INKA2: variants seen among roughly 807,000 people sequenced by gnomAD.
INKA2 encodes the protein inka box actin regulator 2, also known as PAK4-inhibitor INKA2.
INKA2 carries 3 observed loss-of-function variants against 9.8 expected under a neutral mutation model. The ratio of observed to expected loss-of-function variants is 0.31; its 90% CI spans 0.14 to 0.79. INKA2 has a LOEUF of 0.79. INKA2 is among the 30% of genes least tolerant of loss of function. The pLI is 0.62. For synonymous variants in INKA2, 147 were observed against 143.3 expected (o/e 1.03, Z -0.18); for missense variants, 392 against 384.4 (o/e 1.02, Z -0.17).
Position 111,727,344 on chromosome 1 carries a change from G to T in INKA2, c.518C>A (p.Pro173Gln), listed in dbSNP as rs781528757. Residue 173 changes from proline to glutamine, a missense_variant, in exon 2 of 2, where the codon CCA becomes CAA. By Grantham distance (76) the Pro-to-Gln change is moderately conservative. Coordinates refer to ENST00000357260, the MANE Select transcript of INKA2 (RefSeq NM_019099.5). ...ADLVGNWLDL[P>Q]ELEKGGEKGE... ...CTTCTCCCCACCCTTCTCCAGTTCTGGCAAGTCTAGCCAATTGCCCACCAG... is the reference window on the plus strand; with the variant it reads ...CTTCTCCCCACCCTTCTCCAGTTCTTGCAAGTCTAGCCAATTGCCCACCAG... 5.5e-5 allele frequency: 88 copies of T among 1,613,884 alleles called. No homozygotes were observed. Among genetic ancestry groups the T allele is most frequent in the Non-Finnish European group, 7.3e-5 (86 of 1,180,014 alleles).
intron 1 of INKA2, chr1:111,747,472 C>G (rs1157825280): frequency 6.6e-6 from 1 of 152,416 alleles, no homozygotes; most frequent in East Asian, 1.9e-4. Flanking sequence ...ATGTTGCCAC[C>G]TTGTGCCAGC....
In INKA2 at chr1:111,739,255, C is replaced by T. The variant is rs1350542352; in HGVS notation, c.-13G>A. 1 of 1,613,660 alleles carries T rather than the reference C, an allele frequency of 6.2e-7. No individual in the cohort carries two copies. Among genetic ancestry groups the T allele is most frequent in the South Asian group, 1.1e-5 (1 of 91,070 alleles). ...TCTCCATCGTCATGCGCCCATTTGT[C>T]GGGTTCGGTTCAAACAGAGAGGGCC... On this transcript the variant is annotated 5_prime_UTR_variant, in exon 1 of 2. Coordinates refer to ENST00000357260, the MANE Select transcript of INKA2 (RefSeq NM_019099.5).
At chr1:111,732,544 C>T (rs1662930351) in intron 1 of INKA2, among the ~76,000 whole-genome samples, 1 of 150,052 alleles carries the variant, frequency 6.7e-6, no homozygotes. Flanking sequence ...CTCTTTCTAA[C>T]CCACTCCTAG....
At chr1:111,729,145 A>G (rs191698713) in intron 1 of INKA2, among the ~76,000 whole-genome samples, 1 of 152,288 alleles carries the variant, frequency 6.6e-6, no homozygotes, top group Non-Finnish European at 1.5e-5. Flanking sequence ...GCATTAGTGG[A>G]AAAGGAAGAG....
At chr1:111,739,667 C>T (rs985515902), upstream of INKA2, among the ~76,000 whole-genome samples, 4 of 152,202 alleles carry the variant, frequency 2.6e-5, no homozygotes, top group East Asian at 3.9e-4. Context: ...ACGTGACCCT[C>T]GTGTGGTCAT....
At chr1:111,732,896 C>T (rs1230378815) in intron 1 of INKA2, among the ~76,000 whole-genome samples, 7 of 152,312 alleles carry the variant, frequency 4.6e-5, no homozygotes, top group Non-Finnish European at 8.8e-5. Context: ...GGAGACCTGA[C>T]TTACTCGGCC....
At position 111,722,800 on chromosome 1, in the gene INKA2, C is replaced by T. The variant is rs1346684930; in HGVS notation, c.*4168G>A. 32 of 423,774 alleles carry T rather than the reference C, an allele frequency of 7.6e-5. 1 individual carries two copies. The highest frequency in any genetic ancestry group is 9.2e-5 in the East Asian group (2 of 21,850). 26.3% of individuals were successfully genotyped at this position (423,774 alleles called of 1,614,324 possible). On this transcript the variant is annotated 3_prime_UTR_variant, in exon 2 of 2. Coordinates refer to ENST00000357260, the MANE Select transcript of INKA2 (RefSeq NM_019099.5). Reference sequence around the variant, plus strand: ...ATGTTTCGACAGAAGAAGAGACCAACGCTCAGAGAAAGCACTTTTTCTTAA... The same window carrying T: ...ATGTTTCGACAGAAGAAGAGACCAATGCTCAGAGAAAGCACTTTTTCTTAA...
chr1:111,742,918 G>A (rs1335373050), upstream of INKA2, among the ~76,000 whole-genome samples: 1 of 152,226 alleles, frequency 6.6e-6, no homozygotes, highest in Non-Finnish European at 1.5e-5. Flanking sequence ...CGTTACCCCA[G>A]GAGTGTGTGT....
At chr1:111,743,125 G>A (rs1447081291), upstream of INKA2, among the ~76,000 whole-genome samples, 21 of 152,176 alleles carry the variant, frequency 1.4e-4, no homozygotes, top group Admixed American at 1.4e-3. Context: ...GGGGATGGGG[G>A]CTGGGGGACG....
In INKA2 at chr1:111,723,425, C is replaced by T; in HGVS notation, c.*3543G>A. 2 of 288,828 alleles carry T rather than the reference C, an allele frequency of 6.9e-6. No individual in the cohort carries two copies. Among genetic ancestry groups the T allele is most frequent in the Non-Finnish European group, 5.8e-6 (1 of 173,308 alleles). 17.9% of individuals were successfully genotyped at this position (288,828 alleles called of 1,614,324 possible). A position where few individuals can be genotyped will look rare whatever the true frequency, so the allele number is the denominator to read the frequency against. ...AAAGGGAGGAGGGAGACCAGGCCGG[C>T]CCCACTAGCATGCCCAGCAGGGACT... On this transcript the variant is annotated 3_prime_UTR_variant, in exon 2 of 2. Transcript: ENST00000357260.
intron 1 of INKA2, among the ~76,000 whole-genome samples, chr1:111,734,527 G>A (rs548142026): frequency 1.3e-4 from 20 of 151,816 alleles, no homozygotes; most frequent in Non-Finnish European, 2.6e-4. Flanking sequence ...TCACCTTCTG[G>A]ATCCCAGGGC....
In INKA2 at chr1:111,722,945, A is replaced by G; in HGVS notation, c.*4023T>C. ...GGACCGTAGGTGCATTATGTCCTTT[A>G]AATCTCACAGCAGCCCCACATTATC... On this transcript the variant is annotated 3_prime_UTR_variant, in exon 2 of 2. Coordinates refer to ENST00000357260, the MANE Select transcript of INKA2 (RefSeq NM_019099.5). The G allele has an allele frequency of 1.6e-6, 1 of 632,278 alleles. No homozygotes were observed. The highest frequency in any genetic ancestry group is 2.8e-6 in the Non-Finnish European group (1 of 351,576). The allele number at this position is 632,278 out of a possible 1,614,324, so 39.2% of individuals were successfully genotyped here.
At chr1:111,731,943 G>A (rs1662914974) in intron 1 of INKA2, among the ~76,000 whole-genome samples, 1 of 152,228 alleles carries the variant, frequency 6.6e-6, no homozygotes, top group Non-Finnish European at 1.5e-5. Context: ...GCTGGGGAGG[G>A]AAGGAAGGGA....
chr1:111,731,233 T>C (rs1662898184), intron 1 of INKA2, among the ~76,000 whole-genome samples: 1 of 152,244 alleles, frequency 6.6e-6, no homozygotes, highest in South Asian at 2.1e-4. Context: ...CAAAATAATA[T>C]TCTGCATTGG....
chr1:111,755,760 G>C, exon 1 of INKA2: 1 of 1,613,742 alleles, frequency 6.2e-7, no homozygotes, highest in Non-Finnish European at 8.5e-7. Context: ...CATTTTTTGT[G>C]TGTCTGGGCA....
chr1:111,739,074 C>T (rs1295916526), intron 1 of INKA2, 112 bp downstream of exon 1: 1 of 1,041,724 alleles, frequency 9.6e-7, no homozygotes, highest in African/African-American at 1.6e-5. Context: ...CCTCTCTTCC[C>T]TGGCCCTCCT....
In INKA2 at chr1:111,725,630, G is replaced by C. The variant is rs1185240581; in HGVS notation, c.*1338C>G. The C allele has an allele frequency of 6.5e-6, 1 of 152,998 alleles. No homozygotes were observed. Among genetic ancestry groups the C allele is most frequent in the Non-Finnish European group, 1.5e-5 (1 of 68,556 alleles). The allele number at this position is 152,998 out of a possible 1,614,324, so 9.5% of individuals were successfully genotyped here. ...TTAAAATCAAGTGGCTATTTCTTCTGGGTTCACTTCTACCTCACTGGTGAA... is the reference window on the plus strand; with the variant it reads ...TTAAAATCAAGTGGCTATTTCTTCTCGGTTCACTTCTACCTCACTGGTGAA... On this transcript the variant is annotated 3_prime_UTR_variant, in exon 2 of 2. Coordinates refer to ENST00000357260, the MANE Select transcript of INKA2 (RefSeq NM_019099.5).
chr1:111,736,526 G>A (rs1247298999), intron 1 of INKA2, among the ~76,000 whole-genome samples: 1 of 152,160 alleles, frequency 6.6e-6, no homozygotes. Context: ...TTTTCCAGCA[G>A]GTTTATCCCA....
At chr1:111,740,375 G>A (rs530375988), upstream of INKA2, among the ~76,000 whole-genome samples, 1 of 152,224 alleles carries the variant, frequency 6.6e-6, no homozygotes, top group Non-Finnish European at 1.5e-5. Flanking sequence ...GATGGGCTCC[G>A]CAGACCGGTG....
Sources: gnomAD v4.1 joint callset for allele counts (sites outside exome capture counted in the v4.1 genomes callset) on GRCh38, gnomAD v4.1.1 for gene constraint, MANE v1.5 for transcripts, NCBI Gene and HGNC (gene_info 2026-07-23, HGNC 2026-07-21) for gene names.